The following KIF6 variants were observed in gnomAD, a reference collection of about 807,000 sequenced individuals.
KIF6 encodes kinesin family member 6, also known as kinesin-like protein KIF6.
A neutral mutation model predicts 112.7 loss-of-function variants in KIF6; 106 were observed. The ratio of observed to expected loss-of-function variants is 0.94; its 90% CI spans 0.80 to 1.11. The LOEUF (loss-of-function observed/expected upper bound fraction) is 1.11, where lower values mean the gene tolerates loss of function less well. KIF6 is among the 50% of genes least tolerant of loss of function. The probability of loss-of-function intolerance (pLI) is 0.00; values close to 1 mark genes in which losing one functional copy is unlikely to be tolerated. For missense variants in KIF6, 929 were observed against 964.0 expected (o/e 0.96, Z 0.48); for synonymous variants, 339 against 339.9 (o/e 1.00, Z 0.03).
intron 15 of KIF6, among the ~76,000 whole-genome samples, chr6:39,400,024 T>C (rs1329228659): frequency 1.3e-5 from 2 of 152,214 alleles, no homozygotes; most frequent in African/African-American, 2.4e-5. Flanking sequence ...AGAGCAGTGC[T>C]TGGAGGCAGT....
intron 10 of KIF6, among the ~76,000 whole-genome samples, chr6:39,573,299 A>C (rs1225537224): frequency 6.6e-6 from 1 of 152,188 alleles, no homozygotes; most frequent in Admixed American, 6.5e-5. Context: ...AACACAGAGC[A>C]GTACAGACTA....
chr6:39,649,720 T>TGAAAGAAAGAAAGAAAGAAA (rs1561897186), intron 3 of KIF6, among the ~76,000 whole-genome samples: 1 of 120,544 alleles, frequency 8.3e-6, no homozygotes, highest in African/African-American at 3.3e-5. Flanking sequence ...AACACTCTGA[T>TGAAAGAAAGAAAGAAAGAAA]TAAAGAAAGA....
In KIF6 at chr6:39,343,509, C is replaced by T. The variant is rs1763463549; in HGVS notation, c.2428+200G>A. On this transcript the variant is annotated intron_variant, in intron 22 of 22. Coordinates refer to ENST00000287152, the MANE Select transcript of KIF6 (RefSeq NM_145027.6). The surrounding 1 kb of genome is among the most constrained non-coding windows in gnomAD (Gnocchi z 4.1). ...GGGCCGCCCACCCACTTGGGCCTGT[C>T]TTGGTGTTTCTGATGCTGCCCCTTG... The T allele has an allele frequency of 1.3e-6, 2 of 1,486,072 alleles. No homozygotes were observed. The highest frequency in any genetic ancestry group is 2.0e-5 in the Admixed American group (1 of 48,948). The allele number at this position is 1,486,072 out of a possible 1,614,324, so 92.1% of individuals were successfully genotyped here. A position where few individuals can be genotyped will look rare whatever the true frequency, so the allele number is the denominator to read the frequency against.
At chr6:39,419,715 G>A (rs543786740) in intron 15 of KIF6, among the ~76,000 whole-genome samples, 2 of 152,296 alleles carry the variant, frequency 1.3e-5, no homozygotes, top group African/African-American at 2.4e-5. Context: ...CTGGAGCTCA[G>A]GTCTGCCTGA....
At chr6:39,619,904 G>C (rs890236655) in intron 5 of KIF6, among the ~76,000 whole-genome samples, 4 of 152,008 alleles carry the variant, frequency 2.6e-5, no homozygotes, top group African/African-American at 9.7e-5. Context: ...CTAATAACTT[G>C]ATAAGAATAT....
At chr6:39,691,598 A>C (rs1788211604) in intron 3 of KIF6, 1 of 152,234 alleles carries the variant, frequency 6.6e-6, no homozygotes, top group Non-Finnish European at 1.5e-5. Context: ...ACAATCTTAT[A>C]AAGATTGCTT....
At chr6:39,496,268 G>A (rs201903543) in intron 13 of KIF6, among the ~76,000 whole-genome samples, 9 of 152,166 alleles carry the variant, frequency 5.9e-5, no homozygotes, top group East Asian at 1.9e-4. Flanking sequence ...ACCACAGGAC[G>A]GATGGATGTC....
At chr6:39,500,854 A>C (rs1275616368) in intron 13 of KIF6, among the ~76,000 whole-genome samples, 2 of 152,266 alleles carry the variant, frequency 1.3e-5, no homozygotes, top group East Asian at 3.9e-4. Flanking sequence ...TTAGAAGCAG[A>C]GAGGTGGAAG....
At chr6:39,409,607 T>C (rs1769336583) in intron 15 of KIF6, among the ~76,000 whole-genome samples, 1 of 152,236 alleles carries the variant, frequency 6.6e-6, no homozygotes, top group Non-Finnish European at 1.5e-5. Flanking sequence ...TGCATACTTT[T>C]AGGCTGGCTT....
chr6:39,559,365 C>G (rs1177376775), intron 10 of KIF6, among the ~76,000 whole-genome samples: 2 of 152,096 alleles, frequency 1.3e-5, no homozygotes, highest in Non-Finnish European at 1.5e-5. Context: ...TTGGTAAATA[C>G]TGATCATGAT....
intron 13 of KIF6, among the ~76,000 whole-genome samples, chr6:39,463,535 T>A (rs928334247): frequency 2.0e-5 from 3 of 152,226 alleles, no homozygotes; most frequent in Admixed American, 6.5e-5. Flanking sequence ...TCTATGCATG[T>A]TTAGATCTAT....
chr6:39,466,591 C>A (rs183738311), intron 13 of KIF6, among the ~76,000 whole-genome samples: 3 of 152,248 alleles, frequency 2.0e-5, no homozygotes, highest in East Asian at 3.9e-4. Context: ...CCCCACCCCC[C>A]ACCTCTGCAT....
At chr6:39,628,718 T>C (rs1248852957) in intron 5 of KIF6, among the ~76,000 whole-genome samples, 1 of 152,172 alleles carries the variant, frequency 6.6e-6, no homozygotes, top group African/African-American at 2.4e-5. Flanking sequence ...GTTCATTCTT[T>C]GTATTGTAAA....
chr6:39,641,639 A>G (rs1167449647), intron 3 of KIF6, among the ~76,000 whole-genome samples: 4 of 152,068 alleles, frequency 2.6e-5, no homozygotes, highest in African/African-American at 4.8e-5. Context: ...AACTTAAAGT[A>G]TAATATATAT....
At chr6:39,360,636 T>A in intron 17 of KIF6, 106 bp from the exon 18 acceptor site, 2 of 1,305,504 alleles carry the variant, frequency 1.5e-6, no homozygotes, top group Non-Finnish European at 2.2e-6. Flanking sequence ...CCGTCAGAGC[T>A]GCCCTGGTGC....
In KIF6 at chr6:39,514,010, G is replaced by A. The variant is rs141010446; in HGVS notation, c.1645+25993C>T. ...AAGTGTTATAGAGATGTATCAAGCA[G>A]TTAATTAAATCTTTTTCTGGATTTG... is the stretch of plus-strand genomic sequence containing the variant. On this transcript the variant is annotated intron_variant, in intron 13 of 22. Coordinates refer to ENST00000287152, the MANE Select transcript of KIF6 (RefSeq NM_145027.6). Among the ~76,000 whole-genome samples the A allele has an allele frequency of 1.7e-3, 258 of 152,292 alleles. 6 individuals are homozygous for A. In the East Asian group the frequency reaches 0.038, roughly 22 times the overall value.
At chr6:39,632,524 T>C (rs1228097543) in intron 5 of KIF6, among the ~76,000 whole-genome samples, 2 of 152,006 alleles carry the variant, frequency 1.3e-5, no homozygotes, top group Admixed American at 6.6e-5. Flanking sequence ...TTCAGAGTTA[T>C]AGTATGCCCC....
intron 6 of KIF6, among the ~76,000 whole-genome samples, chr6:39,603,046 T>C (rs949634652): frequency 1.3e-5 from 2 of 152,152 alleles, no homozygotes; most frequent in African/African-American, 4.8e-5. Context: ...AAAAAATCCA[T>C]TTGGAACATT....
intron 15 of KIF6, among the ~76,000 whole-genome samples, chr6:39,386,202 T>C (rs112228438): frequency 0.041 from 6,282 of 152,270 alleles, 185 homozygotes; most frequent in Non-Finnish European, 0.06. Flanking sequence ...AGAACAGTGA[T>C]AGTTCCCTTC....
Sources: gnomAD v4.1 joint callset for allele counts (sites outside exome capture counted in the v4.1 genomes callset) on GRCh38, gnomAD v4.1.1 for gene constraint, Gnocchi (gnomAD v3.1) non-coding constraint, MANE v1.5 for transcripts, NCBI Gene and HGNC (gene_info 2026-07-23, HGNC 2026-07-21) for gene names.